The following SGMS1 variants were observed in gnomAD, a reference collection of about 807,000 sequenced individuals.
SGMS1 encodes the protein sphingomyelin synthase 1.
In SGMS1, 13 loss-of-function variants were observed where a neutral mutation model predicts 46.2. That is an observed-to-expected ratio of 0.28 (90% CI 0.18 to 0.45). The LOEUF is 0.45. Among genes scored for constraint, SGMS1 ranks in the 20% least tolerant of loss-of-function variants. The pLI is 1.00. For synonymous variants in SGMS1, 203 were observed against 187.8 expected (o/e 1.08, Z -0.66); for missense variants, 324 against 519.9 (o/e 0.62, Z 3.66).
chr10:50,465,087 C>T (rs1198990697), intron 4 of SGMS1, among the ~76,000 whole-genome samples: 1 of 152,094 alleles, frequency 6.6e-6, no homozygotes, highest in Non-Finnish European at 1.5e-5. Context: ...CATAGGTAGG[C>T]TTACACTCCA....
chr10:50,434,176 CAAG>C (rs1427051531), intron 5 of SGMS1, among the ~76,000 whole-genome samples: 1 of 152,178 alleles, frequency 6.6e-6, no homozygotes, highest in Admixed American at 6.5e-5. Context: ...TTCCTTTTTC[CAAG>C]AAGAAGTCAT....
chr10:50,540,128 C>A (rs892727077), intron 2 of SGMS1, among the ~76,000 whole-genome samples: 1 of 152,106 alleles, frequency 6.6e-6, no homozygotes, highest in Non-Finnish European at 1.5e-5. Context: ...AAAATTAAGG[C>A]ATGAAAAGTT....
intron 7 of SGMS1, among the ~76,000 whole-genome samples, chr10:50,336,828 G>T (rs547567252): frequency 6.6e-6 from 1 of 152,224 alleles, no homozygotes; most frequent in African/African-American, 2.4e-5. Flanking sequence ...AACACTACTT[G>T]TTTTAAGGGT....
intron 8 of SGMS1, among the ~76,000 whole-genome samples, chr10:50,316,912 A>G (rs1847348228): frequency 6.6e-6 from 1 of 152,170 alleles, no homozygotes; most frequent in Admixed American, 6.5e-5. Context: ...CACTTCCCCA[A>G]TTTCAACTGG....
chr10:50,600,073 A>G (rs1182999336), intron 1 of SGMS1, among the ~76,000 whole-genome samples: 1 of 152,232 alleles, frequency 6.6e-6, no homozygotes, highest in Non-Finnish European at 1.5e-5. Flanking sequence ...AAGGCGGCAT[A>G]TAACTCTGAG....
At chr10:50,618,909 T>C (rs1014546570) in intron 1 of SGMS1, among the ~76,000 whole-genome samples, 68 of 152,294 alleles carry the variant, frequency 4.5e-4, no homozygotes, top group African/African-American at 1.6e-3. Context: ...AATCTGTATT[T>C]CTAACAGTTC....
In SGMS1 at chr10:50,588,721, A is replaced by ATTTT. The variant is rs71029314; in HGVS notation, c.-589+1428_-589+1431dup. ...ACATCAGAGCACAGAGACTGATCTAATTTTTTTTTTTTTTTTTTTTTTTTT... is the reference window on the plus strand; with the variant it reads ...ACATCAGAGCACAGAGACTGATCTAATTTTTTTTTTTTTTTTTTTTTTTTTTTTT... On this transcript the variant is annotated intron_variant, in intron 2 of 10. Coordinates refer to ENST00000361781, the MANE Select transcript of SGMS1 (RefSeq NM_147156.4). Among the ~76,000 whole-genome samples the ATTTT allele has an allele frequency of 1.1e-3, 105 of 92,226 alleles. 12 individuals carry two copies. Among genetic ancestry groups the ATTTT allele is most frequent in the Non-Finnish European group, 1.7e-3 (84 of 48,536 alleles). The allele number at this position is 92,226 out of a possible 152,430, so 60.5% of individuals were successfully genotyped here.
chr10:50,538,519 C>T (rs1838024255), intron 2 of SGMS1, among the ~76,000 whole-genome samples: 1 of 150,472 alleles, frequency 6.6e-6, no homozygotes, highest in Admixed American at 6.6e-5. Flanking sequence ...CTGGACAGGA[C>T]AATCCTTCAT....
At chr10:50,493,910 G>A (rs552358265) in intron 3 of SGMS1, among the ~76,000 whole-genome samples, 1 of 152,308 alleles carries the variant, frequency 6.6e-6, no homozygotes, top group Admixed American at 6.5e-5. Context: ...TGATTCTCCT[G>A]CCTCAGCGTC....
At chr10:50,543,619 A>G (rs1286737959) in intron 2 of SGMS1, among the ~76,000 whole-genome samples, 2 of 152,222 alleles carry the variant, frequency 1.3e-5, no homozygotes, top group Non-Finnish European at 2.9e-5. Flanking sequence ...TGGGGTTTTG[A>G]GGTCAAAATA....
At chr10:50,341,688 C>CAGA (rs6143895) in intron 7 of SGMS1, among the ~76,000 whole-genome samples, 94,955 of 151,796 alleles carry the variant, frequency 0.63, 31,082 homozygotes, top group East Asian at 0.86. Flanking sequence ...CACCTGAGGC[C>CAGA]TCATTCCAGC....
chr10:50,394,027 T>C (rs2339402), intron 6 of SGMS1, among the ~76,000 whole-genome samples: 118,995 of 152,106 alleles, frequency 0.78, 46,843 homozygotes, highest in South Asian at 0.91. Flanking sequence ...ACAAAAGGAG[T>C]GGAAAAAACT....
At chr10:50,584,209 A>T (rs1275596432) in intron 2 of SGMS1, among the ~76,000 whole-genome samples, 3 of 152,144 alleles carry the variant, frequency 2.0e-5, no homozygotes, top group African/African-American at 7.2e-5. Flanking sequence ...CTTCCTCCTA[A>T]AGAAGATTGG....
intron 6 of SGMS1, among the ~76,000 whole-genome samples, chr10:50,427,226 G>A (rs750975370): frequency 6.6e-6 from 1 of 152,016 alleles, no homozygotes; most frequent in Non-Finnish European, 1.5e-5. Context: ...TTGAAACCCC[G>A]TCTCTACTAA....
intron 1 of SGMS1, among the ~76,000 whole-genome samples, chr10:50,623,285 C>T (rs1207346096): frequency 1.3e-5 from 2 of 152,126 alleles, no homozygotes; most frequent in Non-Finnish European, 2.9e-5. Context: ...GGAGTCGGCC[C>T]CTGGGTGGGG....
chr10:50,500,374 T>A (rs1227327948), intron 3 of SGMS1, among the ~76,000 whole-genome samples: 1 of 152,052 alleles, frequency 6.6e-6, no homozygotes, highest in African/African-American at 2.4e-5. Flanking sequence ...CAGTAAAATA[T>A]AAAACAATTG....
intron 2 of SGMS1, among the ~76,000 whole-genome samples, chr10:50,548,630 C>T (rs575328532): frequency 6.6e-6 from 1 of 152,096 alleles, no homozygotes; most frequent in Non-Finnish European, 1.5e-5. Context: ...TAGGCAATAC[C>T]ACTCAGGACA....
intron 6 of SGMS1, among the ~76,000 whole-genome samples, chr10:50,430,470 C>CAAAAA (rs10625082): frequency 2.9e-5 from 4 of 136,264 alleles, no homozygotes; most frequent in South Asian, 2.3e-4. Flanking sequence ...TGGCAGAATA[C>CAAAAA]AAAAAAAAAA....
In SGMS1 at chr10:50,318,564, T is replaced by C. The variant is rs192881747; in HGVS notation, c.742-7149A>G. 2.2e-3 allele frequency among the ~76,000 whole-genome samples: 336 copies of C among 152,284 alleles called. 1 individual carries two copies. The highest frequency in any genetic ancestry group is 7.8e-3 in the African/African-American group (323 of 41,562). On this transcript the variant is annotated intron_variant, in intron 8 of 10. Transcript: ENST00000361781. ...AAATCTGGATGATTCTCCTTAAATA[T>C]AGATCCCTGCCGGACGCTCACTGGT... is the stretch of plus-strand genomic sequence containing the variant.
Sources: allele counts gnomAD v4.1 joint callset (sites outside exome capture counted in the v4.1 genomes callset), GRCh38; gene constraint gnomAD v4.1.1; transcripts MANE v1.5; gene names NCBI Gene and HGNC (gene_info 2026-07-23, HGNC 2026-07-21).